FERRY3: variants seen among roughly 807,000 people sequenced by gnomAD.
FERRY3 encodes the protein protein C12orf4.
At chr12:4,535,763 C>G in the FERRY3 span, among the ~76,000 whole-genome samples, 5 of 152,158 alleles carry the variant, frequency 3.3e-5, no homozygotes, top group African/African-American at 1.2e-4. This position sits in a 1 kb window ranked among gnomAD's most constrained non-coding sequence, Gnocchi z 4.0. Flanking sequence ...AGAAGAGCTC[C>G]TCTAATTCCA....
At chr12:4,490,734 C>T in the FERRY3 span, 3 of 619,394 alleles carry the variant, frequency 4.8e-6, no homozygotes, top group Non-Finnish European at 8.4e-6. Context: ...TAGGCTACAC[C>T]TAAAGGACAG....
chr12:4,501,862 C>T, the FERRY3 span, among the ~76,000 whole-genome samples: 1 of 152,332 alleles, frequency 6.6e-6, no homozygotes, highest in Non-Finnish European at 1.5e-5. Flanking sequence ...AAACTGGTCC[C>T]TGGTGCTGGT....
chr12:4,514,313 C>T, the FERRY3 span, among the ~76,000 whole-genome samples: 1 of 150,576 alleles, frequency 6.6e-6, no homozygotes, highest in Non-Finnish European at 1.5e-5. Context: ...TAAACTAGTT[C>T]AACCACTGTG....
the FERRY3 span, among the ~76,000 whole-genome samples, chr12:4,498,901 C>T: frequency 1.2e-4 from 18 of 152,326 alleles, no homozygotes; most frequent in African/African-American, 3.1e-4. Flanking sequence ...GCTGATCTGA[C>T]AGGAGGCAGA....
At chr12:4,502,739 T>C in the FERRY3 span, among the ~76,000 whole-genome samples, 1 of 152,230 alleles carries the variant, frequency 6.6e-6, no homozygotes, top group Non-Finnish European at 1.5e-5. This position sits in a 1 kb window ranked among gnomAD's most constrained non-coding sequence, Gnocchi z 4.2. Context: ...TAGTTGCCGC[T>C]GTGCATCAGC....
chr12:4,500,072 T>C, the FERRY3 span: 8 of 1,432,224 alleles, frequency 5.6e-6, no homozygotes, highest in Non-Finnish European at 9.8e-7. Context: ...TTATATAATA[T>C]TGGGGGTTAA....
chr12:4,534,063 TC>T, the FERRY3 span: 1 of 1,321,254 alleles, frequency 7.6e-7, no homozygotes, highest in Non-Finnish European at 1.0e-6. Context: ...AGAAAAAGGA[TC>T]TTATAACGAT....
the FERRY3 span, among the ~76,000 whole-genome samples, chr12:4,521,637 A>G: frequency 6.6e-6 from 1 of 152,218 alleles, no homozygotes; most frequent in Non-Finnish European, 1.5e-5. Context: ...ACCACAGATC[A>G]ACTCATTTTA....
At chr12:4,502,533 C>G in the FERRY3 span, 1 of 386,326 alleles carries the variant, frequency 2.6e-6, no homozygotes, top group South Asian at 2.0e-5. This position sits in a 1 kb window ranked among gnomAD's most constrained non-coding sequence, Gnocchi z 4.2. Flanking sequence ...TATGTTCTTA[C>G]CAATACATAC....
At chr12:4,493,835 G>C in the FERRY3 span, among the ~76,000 whole-genome samples, 411 of 152,300 alleles carry the variant, frequency 2.7e-3, 3 homozygotes, top group Non-Finnish European at 4.3e-3. Context: ...GCTCACACCT[G>C]TAATCCCAGC....
At chr12:4,518,753 C>CA in the FERRY3 span, 6 of 1,361,302 alleles carry the variant, frequency 4.4e-6, no homozygotes, top group East Asian at 2.4e-5. Flanking sequence ...ATTATAACTG[C>CA]AAAAAAATTA....
At chr12:4,500,225 C>CA in the FERRY3 span, 1 of 1,613,964 alleles carries the variant, frequency 6.2e-7, no homozygotes, top group Admixed American at 1.7e-5. Flanking sequence ...TTCGGAGTCC[C>CA]ATAATGGCAG....
At chr12:4,490,581 T>A in the FERRY3 span, 39 of 1,609,974 alleles carry the variant, frequency 2.4e-5, no homozygotes, top group Non-Finnish European at 3.3e-5. Context: ...GCCATTTCCA[T>A]CATGAAACCT....
chr12:4,506,539 G>A, the FERRY3 span, among the ~76,000 whole-genome samples: 3 of 152,116 alleles, frequency 2.0e-5, no homozygotes, highest in Admixed American at 1.3e-4. Context: ...TTGAATAGAT[G>A]TCTAATCGTA....
the FERRY3 span, among the ~76,000 whole-genome samples, chr12:4,500,894 G>A: frequency 1.3e-5 from 2 of 152,198 alleles, no homozygotes; most frequent in African/African-American, 4.8e-5. Flanking sequence ...CTCATGATCC[G>A]CCCGCCTTGG....
the FERRY3 span, among the ~76,000 whole-genome samples, chr12:4,496,537 A>G: frequency 6.6e-6 from 1 of 152,192 alleles, no homozygotes; most frequent in Non-Finnish European, 1.5e-5. Flanking sequence ...TAGACTTTAT[A>G]ACTGGCCAAA....
the FERRY3 span, among the ~76,000 whole-genome samples, chr12:4,505,768 A>G: frequency 1.9e-4 from 29 of 152,326 alleles, no homozygotes; most frequent in South Asian, 3.9e-3. Context: ...TCAGGGCACC[A>G]AGTTAACCAC....
chr12:4,517,283 T>A, the FERRY3 span: 5 of 1,198,428 alleles, frequency 4.2e-6, no homozygotes, highest in Non-Finnish European at 4.4e-6. Flanking sequence ...AAGAAAATAA[T>A]ACTTATTTTT....
the FERRY3 span, among the ~76,000 whole-genome samples, chr12:4,493,043 C>T: frequency 5.3e-5 from 8 of 152,170 alleles, no homozygotes; most frequent in East Asian, 1.9e-4. Context: ...ATGCCCTTCT[C>T]GGTAATTCCA....
Sources: allele counts gnomAD v4.1 joint callset (sites outside exome capture counted in the v4.1 genomes callset), GRCh38; gene constraint gnomAD v4.1.1; non-coding constraint Gnocchi (gnomAD v3.1); transcripts MANE v1.5; gene names NCBI Gene and HGNC (gene_info 2026-07-23, HGNC 2026-07-21).